Variants in MAST1 observed in about 807,000 individuals in gnomAD.
MAST1 encodes microtubule-associated serine/threonine-protein kinase 1.
Under a neutral mutation model 124.6 loss-of-function variants are expected in MAST1, and 40 were observed. That is an observed-to-expected ratio of 0.32 (90% CI 0.25 to 0.42). MAST1 has a LOEUF of 0.42. Ranked by LOEUF, MAST1 falls within the 10% of genes least tolerant of loss-of-function variation. The pLI is 1.00. For missense variants in MAST1, 1,558 were observed against 2,181.9 expected (o/e 0.71, Z 5.70); for synonymous variants, 938 against 939.4 (o/e 1.00, Z 0.03).
chr19:12,873,104 C>A, intron 24 of MAST1: 1 of 565,256 alleles, frequency 1.8e-6, no homozygotes, highest in Non-Finnish European at 3.1e-6. Flanking sequence ...TTGTTTCTAG[C>A]TTGGACTAGG....
chr19:12,839,013 C>G (rs909209107), intron 1 of MAST1, among the ~76,000 whole-genome samples: 4 of 152,028 alleles, frequency 2.6e-5, no homozygotes, highest in Admixed American at 6.6e-5. Flanking sequence ...TCCCCCCACC[C>G]CCATGCCGCG....
In MAST1 at chr19:12,874,504, G is replaced by T. The variant is rs371185312; in HGVS notation, c.4347G>T (p.Val1449=). 3.1e-5 allele frequency: 48 copies of T among 1,545,720 alleles called. No individual in the cohort carries two copies. Among genetic ancestry groups the T allele is most frequent in the Non-Finnish European group, 3.9e-5 (45 of 1,148,638 alleles). Residue 1449 remains valine (V), a synonymous_variant, in exon 26 of 26, where the codon GTG becomes GTT. Transcript: ENST00000251472. This position sits in a 1 kb window ranked among gnomAD's most constrained non-coding sequence, Gnocchi z 6.6. ...EPARPGAKAV[V]PQPLGADSKG... ...CGCGGCCCGGGGCTAAGGCTGTGGT[G>T]CCTCAGCCTCTGGGCGCGGACTCCA...
At chr19:12,854,187 G>A (rs1969995350) in intron 10 of MAST1, among the ~76,000 whole-genome samples, 1 of 146,918 alleles carries the variant, frequency 6.8e-6, no homozygotes, top group African/African-American at 2.5e-5. Flanking sequence ...GCAATGGCGT[G>A]ATCTCGGCTC....
In MAST1 at chr19:12,865,359, G is replaced by A. The variant is rs1156637077; in HGVS notation, c.1682G>A (p.Arg561His). 7 of 1,610,158 alleles carry A rather than the reference G, an allele frequency of 4.3e-6. No homozygotes were observed. The highest frequency in any genetic ancestry group is 1.1e-5 in the South Asian group (1 of 90,586). Residue 561 changes from arginine (R) to histidine (H), a missense_variant, in exon 15 of 26, where the codon CGT becomes CAT. Coordinates refer to ENST00000251472, the MANE Select transcript of MAST1 (RefSeq NM_014975.3). The surrounding 1 kb of genome is among the most constrained non-coding windows in gnomAD (Gnocchi z 7.1). The part of the protein sequence containing the change: ...PEYIAPEVIL[R>H]QGYGKPVDWW... ...TACATCGCGCCCGAGGTCATCCTGC[G>A]TCAAGGCTACGGCAAGCCAGTGGAC...
rs1436423909 is a variant in MAST1 at position 12,852,656 on chromosome 19, T to C, written c.1077+261T>C. Among the ~76,000 whole-genome samples the C allele has an allele frequency of 1.2e-4, 18 of 148,814 alleles. No homozygotes were observed. In the Admixed American group the frequency reaches 1.2e-3, roughly 10 times the overall value. ...GAGTTCGAGACCAGCCTAACCAACA[T>C]GGAGAAACCCCGTTTCTACTTAAAA... On this transcript the variant is annotated intron_variant, in intron 10 of 25. Transcript: ENST00000251472.
Position 12,867,973 on chromosome 19 carries a change from G to C in MAST1, c.2562G>C (p.Glu854Asp), listed in dbSNP as rs747565759. The stretch of plus-strand genomic sequence containing the variant: ...GCACCTCCAGCGCCGGGGACTCCGA[G>C]GCCAGTGAGTGCCCTATCGTGCTGC... ...GEGTSSAGDS[E>D]ATDRPRPGDL... Residue 854 changes from glutamate (E) to aspartate (D), a missense_variant, in exon 20 of 26, where the codon GAG becomes GAC. By Grantham distance (45) the Glu-to-Asp change is conservative (BLOSUM62 2). Coordinates refer to ENST00000251472, the MANE Select transcript of MAST1 (RefSeq NM_014975.3). The C allele has an allele frequency of 1.9e-6, 3 of 1,546,242 alleles. No individual in the cohort carries two copies. Among genetic ancestry groups the C allele is most frequent in the Non-Finnish European group, 2.6e-6 (3 of 1,149,212 alleles).
In MAST1 at chr19:12,874,544, C is replaced by A. The variant is rs1970289463; in HGVS notation, c.4387C>A (p.Pro1463Thr). The A allele has an allele frequency of 6.6e-7, 1 of 1,516,426 alleles. No individual in the cohort carries two copies. Among genetic ancestry groups the A allele is most frequent in the African/African-American group, 1.4e-5 (1 of 72,294 alleles). The allele number at this position is 1,516,426 out of a possible 1,614,324, so 93.9% of individuals were successfully genotyped here. ...CGCGGACTCCAAGGGGTTGCAGGAA[C>A]CCGCACCCCTGGCGCCTTCCGTGCC... Reference protein sequence around the residue: ...LGADSKGLQEPAPLAPSVPEA... With the variant: ...LGADSKGLQETAPLAPSVPEA... The change falls in exon 26 of 26, where the codon CCC (proline) becomes ACC (threonine). Residue 1463 changes from proline (P) to threonine (T), a missense_variant. Coordinates refer to ENST00000251472, the MANE Select transcript of MAST1 (RefSeq NM_014975.3). The surrounding 1 kb of genome is among the most constrained non-coding windows in gnomAD (Gnocchi z 6.6).
chr19:12,857,968 C>T (rs574849084), intron 10 of MAST1, among the ~76,000 whole-genome samples: 31 of 122,206 alleles, frequency 2.5e-4, no homozygotes, highest in African/African-American at 8.9e-4. Context: ...GTGAGCACCA[C>T]TACACTCCAG....
chr19:12,852,663 ACCCCGTTT>A (rs1944640828), intron 10 of MAST1, among the ~76,000 whole-genome samples: 1 of 144,498 alleles, frequency 6.9e-6, no homozygotes, highest in African/African-American at 2.7e-5. Flanking sequence ...ACATGGAGAA[ACCCCGTTT>A]CTACTTAAAA....
chr19:12,869,916 C>T (rs560507636), intron 22 of MAST1, among the ~76,000 whole-genome samples: 5 of 151,772 alleles, frequency 3.3e-5, no homozygotes, highest in Admixed American at 6.6e-5. Context: ...GGGCCGAGCG[C>T]GGTGGCTGTA....
At chr19:12,840,407 G>A in intron 1 of MAST1, 39 bp from the exon 2 acceptor site, 1 of 1,383,066 alleles carries the variant, frequency 7.2e-7, no homozygotes, top group Non-Finnish European at 1.0e-6. Flanking sequence ...TCACTGGGCT[G>A]CGGCCCGGCC....
rs1379922093 is a variant in MAST1, at chr19:12,874,767, C to T, written c.4610C>T (p.Thr1537Ile). The stretch of plus-strand genomic sequence containing the variant: ...CCCGCATCCCTCTTGGGCTCAGGCA[C>T]CAAGCCTCAAGTGGGGCTGACCTCC... ...VPPASLLGSG[T>I]KPQVGLTSRC... The change falls in exon 26 of 26, where the codon ACC becomes ATC. Residue 1537 changes from threonine (T) to isoleucine (I), a missense_variant. This residue lies in a region of MAST1 where 168 missense variants were observed against 154.3 expected (regional missense o/e 1.09). Coordinates refer to ENST00000251472, the MANE Select transcript of MAST1 (RefSeq NM_014975.3). The surrounding 1 kb of genome is among the most constrained non-coding windows in gnomAD (Gnocchi z 6.6). 6.2e-7 allele frequency: 1 copy of T among 1,605,038 alleles called. No individual in the cohort carries two copies. Among genetic ancestry groups the T allele is most frequent in the Non-Finnish European group, 8.5e-7 (1 of 1,173,438 alleles).
chr19:12,860,569 C>G (rs10410253), intron 12 of MAST1, among the ~76,000 whole-genome samples: 48,392 of 149,896 alleles, frequency 0.32, 8,246 homozygotes, highest in East Asian at 0.63. Flanking sequence ...CTGAGCCTCC[C>G]GAGTAGCTGG....
intron 24 of MAST1, among the ~76,000 whole-genome samples, chr19:12,872,905 C>CAAA (rs907074663): frequency 1.2e-5 from 1 of 81,302 alleles, no homozygotes; most frequent in Non-Finnish European, 2.6e-5. Flanking sequence ...AACTTCGTCT[C>CAAA]AAAAAAAAAA....
rs1369425124 is a variant in MAST1, at chr19:12,869,217, G to A, written c.2925G>A (p.Lys975=). 6.2e-7 allele frequency: 1 copy of A among 1,614,056 alleles called. No individual in the cohort carries two copies. The highest frequency in any genetic ancestry group is 2.2e-5 in the East Asian group (1 of 44,888). The change falls in exon 22 of 26, where the codon AAG becomes AAA. Residue 975 remains lysine (K), a synonymous_variant. Coordinates refer to ENST00000251472, the MANE Select transcript of MAST1 (RefSeq NM_014975.3). ...RSPITIQRSG[K]KYGFTLRAIR... is the part of the protein sequence containing the mutation. ...CCATCACCATCCAGCGCTCGGGCAAGAAGTATGGCTTCACACTGCGTGCCA... is the reference window on the plus strand; with the variant it reads ...CCATCACCATCCAGCGCTCGGGCAAAAAGTATGGCTTCACACTGCGTGCCA...
rs900420423 is a variant in MAST1, at chr19:12,850,821, C to T, written c.775-1113C>T. 3.3e-5 allele frequency among the ~76,000 whole-genome samples: 5 copies of T among 152,190 alleles called. No individual in the cohort carries two copies. The South Asian group carries it at 1.0e-3, about 32-fold the overall frequency. On this transcript the variant is annotated intron_variant, in intron 7 of 25. Coordinates refer to ENST00000251472, the MANE Select transcript of MAST1 (RefSeq NM_014975.3). The stretch of plus-strand genomic sequence containing the variant: ...TCAAGCAATCCTCCTGCCTCAGCCT[C>T]CTGAGTAGCTGGGATTATAGGCATG...
At chr19:12,852,439 G>A in intron 10 of MAST1, 44 bp downstream of exon 10, 1 of 1,527,142 alleles carries the variant, frequency 6.5e-7, no homozygotes, top group Non-Finnish European at 9.1e-7. Context: ...GTTCCTGGGA[G>A]GGCAGGGTGG....
chr19:12,843,635 C>G lies in MAST1; in HGVS notation c.327+28C>G. On this transcript the variant is annotated intron_variant, in intron 4 of 25. Transcript: ENST00000251472. This position sits in a 1 kb window ranked among gnomAD's most constrained non-coding sequence, Gnocchi z 4.9. ...GAGTGTGGAAAGTAGGTGGGTGGGC[C>G]GGTGGGTAAGGAATTCAGGGGCCCT... 1 of 1,603,662 alleles carries G rather than the reference C, an allele frequency of 6.2e-7. No individual in the cohort carries two copies. The highest frequency in any genetic ancestry group is 8.5e-7 in the Non-Finnish European group (1 of 1,173,030).
At chr19:12,860,992 C>T (rs375941843) in intron 12 of MAST1, among the ~76,000 whole-genome samples, 2 of 151,970 alleles carry the variant, frequency 1.3e-5, no homozygotes, top group African/African-American at 2.4e-5. Flanking sequence ...GACATCTCCC[C>T]GCCATGGAGA....
Sources: allele counts gnomAD v4.1 joint callset (sites outside exome capture counted in the v4.1 genomes callset), GRCh38; gene constraint gnomAD v4.1.1; regional missense constraint gnomAD v4.1.1; non-coding constraint Gnocchi (gnomAD v3.1); transcripts MANE v1.5; gene names NCBI Gene and HGNC (gene_info 2026-07-23, HGNC 2026-07-21).